The following LUZP2 variants were observed in gnomAD, a reference collection of about 807,000 sequenced individuals.
The protein encoded by LUZP2 is leucine zipper protein 2.
LUZP2 carries 52 observed loss-of-function variants against 51.6 expected under a neutral mutation model. The observed-to-expected ratio is 1.01, with a 90% confidence interval of 0.81 to 1.27. LUZP2 has a LOEUF of 1.27. Ranked by LOEUF, LUZP2 falls within the 50% of genes most tolerant of loss-of-function variation. LUZP2 has a pLI of 0.00. For synonymous variants in LUZP2, 154 were observed against 137.3 expected (o/e 1.12, Z -0.85); for missense variants, 436 against 395.4 (o/e 1.10, Z -0.87).
chr11:24,748,603 G>C (rs11028136), intron 4 of LUZP2, among the ~76,000 whole-genome samples: 29,442 of 151,850 alleles, frequency 0.19, 2,952 homozygotes, highest in Middle Eastern at 0.22. Flanking sequence ...GGGACTACTG[G>C]CGCGTGCCAC....
At chr11:25,024,700 T>C (rs1417367058) in intron 9 of LUZP2, among the ~76,000 whole-genome samples, 10 of 151,998 alleles carry the variant, frequency 6.6e-5, no homozygotes, top group African/African-American at 2.2e-4. Context: ...GAATCAATAT[T>C]GCGAAAATGG....
At chr11:24,852,822 T>C (rs1053109558) in intron 5 of LUZP2, among the ~76,000 whole-genome samples, 8 of 152,212 alleles carry the variant, frequency 5.3e-5, no homozygotes, top group East Asian at 1.9e-4. Flanking sequence ...TTTACCATTA[T>C]GTAATGCCCT....
intron 5 of LUZP2, among the ~76,000 whole-genome samples, chr11:24,783,903 T>C (rs1027545471): frequency 6.6e-6 from 1 of 151,960 alleles, no homozygotes; most frequent in African/African-American, 2.4e-5. Context: ...AAGGTCTACC[T>C]TTGTTGCTGT....
chr11:24,923,219 T>C (rs1468248686), intron 7 of LUZP2, among the ~76,000 whole-genome samples: 3 of 152,150 alleles, frequency 2.0e-5, no homozygotes, highest in Non-Finnish European at 4.4e-5. Flanking sequence ...ATTTCTACTT[T>C]GTATTTTAAG....
chr11:24,887,897 A>C (rs1852723991), intron 5 of LUZP2, among the ~76,000 whole-genome samples: 1 of 152,188 alleles, frequency 6.6e-6, no homozygotes, highest in African/African-American at 2.4e-5. Context: ...TTCCACTGTG[A>C]GATGCAGCGA....
intron 1 of LUZP2, among the ~76,000 whole-genome samples, chr11:24,691,214 A>G (rs1373891351): frequency 1.3e-5 from 2 of 151,988 alleles, no homozygotes; most frequent in Non-Finnish European, 2.9e-5. Flanking sequence ...TATCCTGAAG[A>G]TATCTGGAAA....
intron 1 of LUZP2, among the ~76,000 whole-genome samples, chr11:24,601,799 A>G (rs1380821622): frequency 2.0e-5 from 3 of 149,944 alleles, no homozygotes; most frequent in Non-Finnish European, 4.4e-5. Flanking sequence ...ATTCTTATCC[A>G]TGGCAGCAAT....
intron 7 of LUZP2, among the ~76,000 whole-genome samples, chr11:24,937,694 G>A (rs897553798): frequency 6.6e-6 from 1 of 151,952 alleles, no homozygotes; most frequent in Non-Finnish European, 1.5e-5. Flanking sequence ...GAGGTCAGGA[G>A]ATCAAGACCA....
At chr11:24,745,495 A>G (rs1402729586) in intron 4 of LUZP2, among the ~76,000 whole-genome samples, 2 of 151,926 alleles carry the variant, frequency 1.3e-5, no homozygotes, top group African/African-American at 4.8e-5. Context: ...TGTTGCTTTA[A>G]AGTTTGTTTT....
intron 10 of LUZP2, 55 bp from the exon 11 acceptor site, chr11:25,077,274 C>A (rs1478545098): frequency 7.7e-7 from 1 of 1,292,598 alleles, no homozygotes; most frequent in Admixed American, 1.7e-5. Flanking sequence ...TTGACTCCCC[C>A]CTCCACTTTC....
At chr11:24,522,299 A>G (rs1213095508) in intron 1 of LUZP2, among the ~76,000 whole-genome samples, 1 of 148,934 alleles carries the variant, frequency 6.7e-6, no homozygotes, top group Non-Finnish European at 1.5e-5. Flanking sequence ...TCTAAAAACC[A>G]CCTCTTTTTT....
At chr11:24,773,888 A>G (rs1848826634) in intron 5 of LUZP2, among the ~76,000 whole-genome samples, 1 of 152,126 alleles carries the variant, frequency 6.6e-6, no homozygotes, top group African/African-American at 2.4e-5. Flanking sequence ...GACCCTAACC[A>G]CAAAGCCACA....
chr11:24,615,939 A>C (rs546114424), intron 1 of LUZP2, among the ~76,000 whole-genome samples: 1 of 151,692 alleles, frequency 6.6e-6, no homozygotes, highest in East Asian at 1.9e-4. Flanking sequence ...TCATGTGCTT[A>C]ACTGCCATCT....
intron 5 of LUZP2, among the ~76,000 whole-genome samples, chr11:24,880,187 G>C (rs1415154320): frequency 6.6e-6 from 1 of 152,178 alleles, no homozygotes; most frequent in Non-Finnish European, 1.5e-5. Flanking sequence ...CTCCCCCCAT[G>C]GGTAAACATC....
At chr11:24,592,545 A>G (rs1238185071) in intron 1 of LUZP2, among the ~76,000 whole-genome samples, 1 of 152,110 alleles carries the variant, frequency 6.6e-6, no homozygotes, top group East Asian at 1.9e-4. Context: ...TACATTATGA[A>G]TGACCTAATA....
At chr11:25,076,433 A>G (rs1234510489) in intron 10 of LUZP2, among the ~76,000 whole-genome samples, 2 of 152,162 alleles carry the variant, frequency 1.3e-5, no homozygotes, top group African/African-American at 4.8e-5. Context: ...ACAAATGCAG[A>G]TTCTTACACT....
chr11:24,638,543 A>G (rs1364215148), intron 1 of LUZP2, among the ~76,000 whole-genome samples: 1 of 151,740 alleles, frequency 6.6e-6, no homozygotes, highest in Non-Finnish European at 1.5e-5. Flanking sequence ...CAAAGTATAC[A>G]GTATTTACTA....
chr11:24,992,025 A>G (rs1245434898), intron 9 of LUZP2, among the ~76,000 whole-genome samples: 1 of 151,932 alleles, frequency 6.6e-6, no homozygotes, highest in Admixed American at 6.6e-5. Context: ...AGTTGTCTGT[A>G]TACTCTGCTG....
chr11:24,846,957 G>A (rs536462673), intron 5 of LUZP2, among the ~76,000 whole-genome samples: 29 of 150,924 alleles, frequency 1.9e-4, no homozygotes, highest in African/African-American at 5.1e-4. Context: ...ACATATGTAC[G>A]TATATGTATA....
Sources: gnomAD v4.1 joint callset for allele counts (sites outside exome capture counted in the v4.1 genomes callset) on GRCh38, gnomAD v4.1.1 for gene constraint, MANE v1.5 for transcripts, NCBI Gene and HGNC (gene_info 2026-07-23, HGNC 2026-07-21) for gene names.